Variants in BCL9 observed in about 807,000 individuals in gnomAD.
BCL9 encodes the protein BCL9 transcription coactivator.
BCL9 carries 25 observed loss-of-function variants against 88.5 expected under a neutral mutation model. The observed-to-expected ratio is 0.28, with a 90% CI of 0.21 to 0.39. BCL9 has a LOEUF of 0.39. Ranked by LOEUF, BCL9 falls within the 10% of genes least tolerant of loss-of-function variation. The pLI is 1.00. For synonymous variants in BCL9, 711 were observed against 673.3 expected, an observed-to-expected ratio of 1.06 and a Z score of -0.87; for missense variants, 1,817 against 1,877.8, an observed-to-expected ratio of 0.97 and a Z score of 0.60.
chr1:147,578,857 T>C lies in BCL9; in HGVS notation c.-477-25920T>C, dbSNP rs1320412849. Among the ~76,000 whole-genome samples the C allele has an allele frequency of 3.3e-4, 12 of 36,596 alleles. No individual in the cohort carries two copies. In the Admixed American group the frequency reaches 4.0e-3, roughly 12 times the overall value. The allele number at this position is 36,596 out of a possible 152,430, so 24.0% of individuals were successfully genotyped here. A position where few individuals can be genotyped will look rare whatever the true frequency, so the allele number is the denominator to read the frequency against. ...CCAGACTTGGAGTCAGGAAATTTGG[T>C]TTTCTTTCTTTTTTTTTCTTTTTTT... is the stretch of plus-strand genomic sequence containing the variant. On this transcript the variant is annotated intron_variant, in intron 1 of 9. Transcript: ENST00000234739.
In BCL9 at chr1:147,606,861, G is replaced by T. The variant is rs1553202064; in HGVS notation, c.-265G>T. ...GCACTGCAGTGTCGTGACCCTTGGG[G>T]TTTTGGTGAGTACACTGATGGCTGA... On this transcript the variant is annotated 5_prime_UTR_variant, in exon 3 of 10. Transcript: ENST00000234739. The T allele has an allele frequency of 6.6e-6, 1 of 152,558 alleles. No individual in the cohort carries two copies. The highest frequency in any genetic ancestry group is 1.9e-4 in the East Asian group (1 of 5,190). The allele number at this position is 152,558 out of a possible 1,614,324, so 9.5% of individuals were successfully genotyped here. A position where few individuals can be genotyped will look rare whatever the true frequency, so the allele number is the denominator to read the frequency against.
At chr1:147,546,328 A>G (rs1239139209) in intron 1 of BCL9, among the ~76,000 whole-genome samples, 14 of 150,614 alleles carry the variant, frequency 9.3e-5, no homozygotes, top group African/African-American at 3.2e-4. Context: ...ACAGAGTAAG[A>G]CTCCAAAAAA....
chr1:147,568,528 A>T (rs1655719139), intron 1 of BCL9, among the ~76,000 whole-genome samples: 1 of 152,008 alleles, frequency 6.6e-6, no homozygotes, highest in Admixed American at 6.6e-5. Flanking sequence ...ATCCAAACAG[A>T]ACAAGAATTA....
Position 147,619,376 on chromosome 1 carries a change from G to C in BCL9, c.1221G>C (p.Gln407His), listed in dbSNP as rs1407505827. The C allele has an allele frequency of 6.2e-7, 1 of 1,613,988 alleles. No individual in the cohort carries two copies. Among genetic ancestry groups the C allele is most frequent in the African/African-American group, 1.3e-5 (1 of 74,912 alleles). ...GPQKKPEGPI[Q>H]AMMAQSQSLG... ...AGAAAAAACCAGAAGGGCCAATACAGGCCATGATGGCCCAATCCCAAAGCC... is the reference window on the plus strand; with the variant it reads ...AGAAAAAACCAGAAGGGCCAATACACGCCATGATGGCCCAATCCCAAAGCC... The change falls in exon 8 of 10, where the codon CAG becomes CAC. Residue 407 changes from glutamine (Q) to histidine (H), a missense_variant. By Grantham distance (24) the Gln-to-His change is conservative (BLOSUM62 0). Transcript: ENST00000234739. This position sits in a 1 kb window ranked among gnomAD's most constrained non-coding sequence, Gnocchi z 4.1.
chr1:147,549,093 C>T (rs1654765617), intron 1 of BCL9, among the ~76,000 whole-genome samples: 2 of 150,238 alleles, frequency 1.3e-5, no homozygotes, highest in Admixed American at 1.3e-4. Flanking sequence ...TCTCCTGCCT[C>T]AGCCTTCCAA....
At chr1:147,588,010 G>A (rs587730323) in intron 1 of BCL9, among the ~76,000 whole-genome samples, 98 of 152,224 alleles carry the variant, frequency 6.4e-4, no homozygotes, top group African/African-American at 2.1e-3. Context: ...AGTAATATGT[G>A]CTTCTTTATT....
chr1:147,616,062 A>C (rs948119506), intron 7 of BCL9, among the ~76,000 whole-genome samples, 160 bp downstream of exon 7: 1 of 152,232 alleles, frequency 6.6e-6, no homozygotes, highest in Non-Finnish European at 1.5e-5. Context: ...TAGGCATATC[A>C]TACTATACTA....
At chr1:147,602,800 CTTG>C (rs782561728) in intron 1 of BCL9, among the ~76,000 whole-genome samples, 3 of 151,760 alleles carry the variant, frequency 2.0e-5, no homozygotes, top group Non-Finnish European at 4.4e-5. Flanking sequence ...AAAATGCTCT[CTTG>C]TTTGTGGGGG....
At chr1:147,557,269 G>A (rs1557822758) in intron 1 of BCL9, among the ~76,000 whole-genome samples, 1 of 152,156 alleles carries the variant, frequency 6.6e-6, no homozygotes, top group Admixed American at 6.5e-5. Flanking sequence ...ACATTCTTAT[G>A]TGAGGAAAAA....
chr1:147,553,742 G>A (rs1654989882), intron 1 of BCL9, among the ~76,000 whole-genome samples: 1 of 152,204 alleles, frequency 6.6e-6, no homozygotes, highest in Non-Finnish European at 1.5e-5. Context: ...AAGACACCAT[G>A]TAATATAAGC....
At position 147,614,572 on chromosome 1, in the gene BCL9, T is replaced by G. The variant is rs1553203491; in HGVS notation, c.516T>G (p.Thr172=). 4.3e-6 allele frequency: 7 copies of G among 1,613,934 alleles called. No homozygotes were observed. The highest frequency in any genetic ancestry group is 2.2e-5 in the East Asian group (1 of 44,858). Residue 172 remains threonine, a synonymous_variant, in exon 6 of 10, where the codon ACT becomes ACG. Transcript: ENST00000234739. ...TATEPTPAQK[T]PAKVVYVFST... Reference sequence around the variant, plus strand: ...CAGAGCCCACACCTGCTCAGAAGACTCCAGCCAAAGTGGTGTACGTGTTTT... The same window carrying G: ...CAGAGCCCACACCTGCTCAGAAGACGCCAGCCAAAGTGGTGTACGTGTTTT...
chr1:147,603,774 G>A (rs191768402), intron 1 of BCL9, among the ~76,000 whole-genome samples: 1 of 152,024 alleles, frequency 6.6e-6, no homozygotes, highest in African/African-American at 2.4e-5. Flanking sequence ...CTCCCAAAGT[G>A]TTGGGATTGC....
At chr1:147,614,868 C>G (rs1450673145) in intron 6 of BCL9, among the ~76,000 whole-genome samples, 1 of 135,230 alleles carries the variant, frequency 7.4e-6, no homozygotes, top group African/African-American at 2.8e-5. Flanking sequence ...GAGATGGTGT[C>G]TGTCTCTGTC....
intron 1 of BCL9, among the ~76,000 whole-genome samples, chr1:147,572,257 AAAAACAAAAAC>A (rs1411515028): frequency 5.2e-4 from 79 of 152,310 alleles, no homozygotes; most frequent in African/African-American, 1.7e-3. Flanking sequence ...AAACAAAAAC[AAAAACAAAAAC>A]AAAACAAAAA....
At chr1:147,543,298 A>G (rs898929597) in intron 1 of BCL9, among the ~76,000 whole-genome samples, 1 of 152,198 alleles carries the variant, frequency 6.6e-6, no homozygotes, top group East Asian at 1.9e-4. Flanking sequence ...TACTTGTCCA[A>G]AAAAATCTGT....
In BCL9 at chr1:147,563,081, C is replaced by T. The variant is rs587691618; in HGVS notation, c.-478+21407C>T. On this transcript the variant is annotated intron_variant, in intron 1 of 9. Coordinates refer to ENST00000234739, the MANE Select transcript of BCL9 (RefSeq NM_004326.4). ...CCAGAACACTGTGTCCCCAGATCTT[C>T]ACATGGTTGGCCCCTTTTGTCAGTC... is the stretch of plus-strand genomic sequence containing the variant. Among the ~76,000 whole-genome samples the T allele has an allele frequency of 2.1e-3, 318 of 152,334 alleles. 1 individual carries two copies. The highest frequency in any genetic ancestry group is 3.6e-3 in the Non-Finnish European group (244 of 68,028).
At chr1:147,583,272 T>C (rs1378943821) in intron 1 of BCL9, among the ~76,000 whole-genome samples, 2 of 152,100 alleles carry the variant, frequency 1.3e-5, no homozygotes, top group South Asian at 2.1e-4. Context: ...TTTATTTATT[T>C]ATTTATGTAT....
At chr1:147,581,719 T>G (rs1656380932) in intron 1 of BCL9, among the ~76,000 whole-genome samples, 1 of 152,204 alleles carries the variant, frequency 6.6e-6, no homozygotes, top group African/African-American at 2.4e-5. Context: ...TCAGCTGCTT[T>G]TGATCAGAAC....
At chr1:147,566,140 C>T (rs782160768) in intron 1 of BCL9, among the ~76,000 whole-genome samples, 2 of 152,166 alleles carry the variant, frequency 1.3e-5, no homozygotes, top group Non-Finnish European at 2.9e-5. Flanking sequence ...GACAGAGGAG[C>T]TGGTTGCTGG....
Sources: gnomAD v4.1 joint callset for allele counts (sites outside exome capture counted in the v4.1 genomes callset) on GRCh38, gnomAD v4.1.1 for gene constraint, Gnocchi (gnomAD v3.1) non-coding constraint, MANE v1.5 for transcripts, NCBI Gene and HGNC (gene_info 2026-07-23, HGNC 2026-07-21) for gene names.